The following AHSA1 variants were observed in gnomAD, a reference collection of about 807,000 sequenced individuals.
AHSA1 encodes activator of 90 kDa heat shock protein ATPase homolog 1.
A neutral mutation model predicts 46.1 loss-of-function variants in AHSA1; 14 were observed. The observed-to-expected ratio is 0.30, with a 90% CI of 0.20 to 0.47. AHSA1 has a LOEUF of 0.47. Among genes scored for constraint, AHSA1 ranks in the 20% least tolerant of loss-of-function variants. The pLI, the probability that AHSA1 is intolerant of heterozygous loss-of-function variation, is 0.99. For synonymous variants in AHSA1, 147 were observed against 145.8 expected (o/e 1.01, Z -0.06); for missense variants, 333 against 415.9 (o/e 0.80, Z 1.73).
chr14:77,464,872 T>A (rs1487294885), intron 5 of AHSA1, among the ~76,000 whole-genome samples, 186 bp downstream of exon 5: 1 of 152,208 alleles, frequency 6.6e-6, no homozygotes, highest in African/African-American at 2.4e-5. Flanking sequence ...TGGTTTTAAT[T>A]CATTTATCGC....
intron 2 of AHSA1, among the ~76,000 whole-genome samples, chr14:77,460,553 G>A (rs1049909693): frequency 8.8e-5 from 12 of 136,948 alleles, no homozygotes; most frequent in Admixed American, 8.7e-4. Context: ...AATCTTCGGT[G>A]TCATCTTGCT....
chr14:77,460,545 T>C (rs1001529122), intron 2 of AHSA1, among the ~76,000 whole-genome samples: 2 of 146,446 alleles, frequency 1.4e-5, no homozygotes, highest in Admixed American at 7.0e-5. Flanking sequence ...GTGGAAGGAA[T>C]CTTCGGTGTC....
intron 6 of AHSA1, among the ~76,000 whole-genome samples, chr14:77,465,975 C>T (rs779598491): frequency 3.3e-5 from 5 of 152,122 alleles, no homozygotes; most frequent in African/African-American, 1.2e-4. Flanking sequence ...TATAGGCACA[C>T]GCCATCACGC....
intron 4 of AHSA1, 189 bp downstream of exon 4, chr14:77,462,948 A>G (rs1462403963): frequency 1.9e-6 from 1 of 522,660 alleles, no homozygotes; most frequent in Non-Finnish European, 3.5e-6. Flanking sequence ...CCTAATAATG[A>G]TGGTTGAGCA....
chr14:77,460,793 C>T (rs937368382), intron 2 of AHSA1, among the ~76,000 whole-genome samples: 5 of 151,708 alleles, frequency 3.3e-5, no homozygotes, highest in African/African-American at 1.2e-4. Flanking sequence ...CTGTGTCTGG[C>T]CGACGCTTTT....
At chr14:77,467,586 A>G (rs1324335417) in intron 6 of AHSA1, among the ~76,000 whole-genome samples, 2 of 152,142 alleles carry the variant, frequency 1.3e-5, no homozygotes, top group Non-Finnish European at 2.9e-5. Context: ...CCCAGCTACT[A>G]CAGAGGCTGA....
At chr14:77,465,114 C>G (rs2079042365) in intron 5 of AHSA1, among the ~76,000 whole-genome samples, 1 of 152,172 alleles carries the variant, frequency 6.6e-6, no homozygotes, top group Non-Finnish European at 1.5e-5. Flanking sequence ...AGTACTTTAT[C>G]TAGAGATGGA....
intron 8 of AHSA1, 179 bp downstream of exon 8, chr14:77,468,687 C>A: frequency 1.7e-6 from 1 of 598,544 alleles, no homozygotes; most frequent in East Asian, 3.0e-5. Context: ...TTCAGCTTCC[C>A]AAGTAGCTGA....
At position 77,469,346 on chromosome 14, in the gene AHSA1, A is replaced by G. The variant is rs1181059083; in HGVS notation, c.*97A>G. 6 of 1,494,168 alleles carry G rather than the reference A, an allele frequency of 4.0e-6. No individual in the cohort carries two copies. In the East Asian group the frequency reaches 1.1e-4, roughly 29 times the overall value. The allele number at this position is 1,494,168 out of a possible 1,614,324, so 92.6% of individuals were successfully genotyped here. A position where few individuals can be genotyped will look rare whatever the true frequency, so the allele number is the denominator to read the frequency against. On this transcript the variant is annotated 3_prime_UTR_variant, in exon 9 of 9. Coordinates refer to ENST00000216479, the MANE Select transcript of AHSA1 (RefSeq NM_012111.3). ...ACAGGATTGCATCGTCCCAGCTGCT[A>G]ACTTGGGGCCGGGGCCCCTCCCTTC...
In AHSA1 at chr14:77,468,388, T is replaced by A. The variant is rs983048244; in HGVS notation, c.793-69T>A. 19 of 1,449,668 alleles carry A rather than the reference T, an allele frequency of 1.3e-5. No individual in the cohort carries two copies. In the African/African-American group the frequency reaches 2.7e-4, roughly 20 times the overall value. The allele number at this position is 1,449,668 out of a possible 1,614,324, so 89.8% of individuals were successfully genotyped here. Reference sequence around the variant, plus strand: ...TGGTAGACTCCGTATGAAGGGCAGATGACTGATCCTAGCTAGGATTGGGTA... The same window carrying A: ...TGGTAGACTCCGTATGAAGGGCAGAAGACTGATCCTAGCTAGGATTGGGTA... On this transcript the variant is annotated intron_variant, in intron 7 of 8. Coordinates refer to ENST00000216479, the MANE Select transcript of AHSA1 (RefSeq NM_012111.3).
chr14:77,466,454 A>T (rs2079048320), intron 6 of AHSA1: 1 of 152,514 alleles, frequency 6.6e-6, no homozygotes, highest in Non-Finnish European at 1.5e-5. Flanking sequence ...CAGCTTTATT[A>T]TCTGATAGTA....
chr14:77,461,173 A>G (rs962686095), intron 2 of AHSA1, among the ~76,000 whole-genome samples: 4 of 152,058 alleles, frequency 2.6e-5, no homozygotes, highest in African/African-American at 4.8e-5. Flanking sequence ...AAAATAAAAA[A>G]TAGGTGAATA....
chr14:77,458,042 G>T, upstream of AHSA1: 2 of 604,824 alleles, frequency 3.3e-6, no homozygotes, highest in South Asian at 2.3e-5. Flanking sequence ...AAGTTAAGGA[G>T]GGGAGGGGGT....
At chr14:77,467,700 TAAA>T (rs2079053507) in intron 6 of AHSA1, among the ~76,000 whole-genome samples, 1 of 118,912 alleles carries the variant, frequency 8.4e-6, no homozygotes, top group Non-Finnish European at 2.0e-5. Flanking sequence ...TCTCAATAAA[TAAA>T]AAAATAAAAT....
At chr14:77,462,886 C>T in intron 4 of AHSA1, 127 bp downstream of exon 4, 1 of 766,708 alleles carries the variant, frequency 1.3e-6, no homozygotes, top group Non-Finnish European at 2.3e-6. Context: ...CTTATTTCAT[C>T]TTAAAGTCAG....
At chr14:77,463,507 A>G (rs1489986853) in intron 4 of AHSA1, among the ~76,000 whole-genome samples, 3 of 144,328 alleles carry the variant, frequency 2.1e-5, no homozygotes, top group Non-Finnish European at 4.5e-5. Context: ...AATTGCTTGA[A>G]CCCAGGAGGT....
Position 77,462,670 on chromosome 14 carries a change from C to T in AHSA1, c.383C>T (p.Pro128Leu). Reference protein sequence around the residue: ...EISVSLAKDEPDTNLVALMKE... With the variant: ...EISVSLAKDELDTNLVALMKE... ...AGTGTGAGCCTTGCCAAAGATGAGC[C>T]TGACACAAATCTCGTGGCCTTAATG... Residue 128 changes from proline to leucine, a missense_variant, in exon 4 of 9, where the codon CCT becomes CTT. By Grantham distance (98) the Pro-to-Leu change is moderately conservative. Coordinates refer to ENST00000216479, the MANE Select transcript of AHSA1 (RefSeq NM_012111.3). 6.2e-7 allele frequency: 1 copy of T among 1,614,180 alleles called. No homozygotes were observed. Among genetic ancestry groups the T allele is most frequent in the Non-Finnish European group, 8.5e-7 (1 of 1,180,024 alleles).
At chr14:77,459,342 A>G (rs78290321) in intron 1 of AHSA1, among the ~76,000 whole-genome samples, 4,719 of 152,276 alleles carry the variant, frequency 0.031, 242 homozygotes, top group African/African-American at 0.11. Flanking sequence ...TTAAAGTATC[A>G]AGTATTCCCC....
Position 77,462,209 on chromosome 14 carries a change from T to C in AHSA1, c.321T>C (p.Asn107=), listed in dbSNP as rs772414068. The change falls in exon 3 of 9, where the codon AAT becomes AAC. Residue 107 remains asparagine (N), a synonymous_variant. Coordinates refer to ENST00000216479, the MANE Select transcript of AHSA1 (RefSeq NM_012111.3). ...ACAAAGGACATGTGGAGATCCCCAA[T>C]TTGTCTGATGAAAACAGCGTGGATG... ...VQYKGHVEIP[N]LSDENSVDEV... 6.2e-7 allele frequency: 1 copy of C among 1,613,896 alleles called. No homozygotes were observed. The highest frequency in any genetic ancestry group is 1.1e-5 in the South Asian group (1 of 91,074).
Sources: gnomAD v4.1 joint callset for allele counts (sites outside exome capture counted in the v4.1 genomes callset) on GRCh38, gnomAD v4.1.1 for gene constraint, MANE v1.5 for transcripts, NCBI Gene and HGNC (gene_info 2026-07-23, HGNC 2026-07-21) for gene names.